CR1L: variants seen among roughly 807,000 people sequenced by gnomAD.
CR1L encodes complement C3b/C4b receptor 1 like, also known as complement component receptor 1-like protein.
CR1L carries 59 observed loss-of-function variants against 62.3 expected under a neutral mutation model. The observed-to-expected ratio is 0.95, with a 90% CI of 0.77 to 1.18. CR1L has a LOEUF of 1.18. CR1L is among the 50% of genes most tolerant of loss of function. CR1L has a pLI of 0.00. For synonymous variants in CR1L, 279 were observed against 248.7 expected, an observed-to-expected ratio of 1.12 and a Z score of -1.15; for missense variants, 700 against 702.8, an observed-to-expected ratio of 1.00 and a Z score of 0.04.
At position 207,708,256 on chromosome 1, in the gene CR1L, T is replaced by C; in HGVS notation, c.1407T>C (p.Ile469=). Residue 469 remains isoleucine (I), a synonymous_variant, in exon 10 of 12, where the codon ATT becomes ATC. Transcript: ENST00000508064. ...CCCATTGGAGCATGAAGCCACCAAT[T>C]TGTCAACGTGAGTTGAAATCTCTTT... ...NTAHWSMKPP[I]CQQIFCPNPP... is the part of the protein sequence containing the mutation. 1 of 1,611,302 alleles carries C rather than the reference T, an allele frequency of 6.2e-7. No individual in the cohort carries two copies. The highest frequency in any genetic ancestry group is 2.2e-5 in the East Asian group (1 of 44,848).
At chr1:207,692,416 A>G (rs1229869464) in intron 4 of CR1L, among the ~76,000 whole-genome samples, 7 of 151,978 alleles carry the variant, frequency 4.6e-5, no homozygotes, top group Admixed American at 2.0e-4. Flanking sequence ...CCTCCTCCCA[A>G]TTTTGCAACG....
rs542480175 is a variant in CR1L, at chr1:207,694,475, G to T, written c.586G>T (p.Val196Leu). The part of the protein sequence containing the change: ...HCNLGSRGKK[V>L]FELVGEPSIY... Reference sequence around the variant, plus strand: ...CAATCTTGGAAGCAGAGGGAAAAAGGTGTTTGAGCTTGTGGGTGAGCCCTC... The same window carrying T: ...CAATCTTGGAAGCAGAGGGAAAAAGTTGTTTGAGCTTGTGGGTGAGCCCTC... Residue 196 changes from valine to leucine, a missense_variant, in exon 5 of 12, where the codon GTG (valine) becomes TTG (leucine). Val to Leu is a conservative substitution (Grantham distance 32). Transcript: ENST00000508064. The T allele has an allele frequency of 4.8e-5, 77 of 1,613,902 alleles. 1 individual carries two copies. The South Asian group carries it at 7.9e-4, about 17-fold the overall frequency.
At chr1:207,723,167 C>A (rs1461648977) in intron 11 of CR1L, among the ~76,000 whole-genome samples, 2 of 152,162 alleles carry the variant, frequency 1.3e-5, no homozygotes, top group Admixed American at 1.3e-4. Flanking sequence ...GGCAGTGGCT[C>A]GCGCCTGTAT....
At chr1:207,669,750 C>T (rs983784957) in intron 1 of CR1L, among the ~76,000 whole-genome samples, 3 of 151,326 alleles carry the variant, frequency 2.0e-5, no homozygotes, top group African/African-American at 7.4e-5. Context: ...GCACTGGAGA[C>T]CCTCGCTGCC....
chr1:207,658,128 C>T (rs182756283), intron 1 of CR1L, among the ~76,000 whole-genome samples: 1 of 152,084 alleles, frequency 6.6e-6, no homozygotes, highest in East Asian at 1.9e-4. Flanking sequence ...ACAGCTAAAG[C>T]ATTGCTTACA....
Position 207,701,562 on chromosome 1 carries a change from G to A in CR1L, c.1272G>A (p.Val424=), listed in dbSNP as rs756101957. The A allele has an allele frequency of 4.3e-6, 7 of 1,613,784 alleles. No homozygotes were observed. The Admixed American group carries it at 1.2e-4, about 27-fold the overall frequency. The part of the protein sequence containing the change: ...ETPPVPVNGM[V]HVITDIHVGS... ...CTCCAGTTCCAGTGAATGGCATGGT[G>A]CATGTGATCACAGACATCCATGTTG... The change falls in exon 9 of 12, where the codon GTG becomes GTA. Residue 424 remains valine (V), a synonymous_variant. Coordinates refer to ENST00000508064, the MANE Select transcript of CR1L (RefSeq NM_175710.2).
intron 11 of CR1L, among the ~76,000 whole-genome samples, chr1:207,723,313 C>T (rs1311439895): frequency 2.0e-5 from 3 of 151,782 alleles, no homozygotes. Context: ...GCCTGTTTTC[C>T]CAGCTACACA....
intron 10 of CR1L, among the ~76,000 whole-genome samples, chr1:207,710,204 T>C: frequency 6.6e-6 from 1 of 151,874 alleles, no homozygotes; most frequent in Non-Finnish European, 1.5e-5. Flanking sequence ...ATAAACCAGA[T>C]ACGGTGGTGC....
chr1:207,665,789 C>T (rs998686630), intron 1 of CR1L, among the ~76,000 whole-genome samples: 3 of 152,124 alleles, frequency 2.0e-5, no homozygotes, highest in Non-Finnish European at 2.9e-5. Flanking sequence ...TAATGGAAAC[C>T]AATGAAAAAT....
At chr1:207,688,153 T>C (rs1331148888) in intron 4 of CR1L, among the ~76,000 whole-genome samples, 1 of 152,178 alleles carries the variant, frequency 6.6e-6, no homozygotes, top group African/African-American at 2.4e-5. Context: ...CACATGCCTG[T>C]AAGTCCCAGC....
chr1:207,711,785 A>C (rs1418868710), intron 10 of CR1L, among the ~76,000 whole-genome samples: 1 of 152,050 alleles, frequency 6.6e-6, no homozygotes, highest in Non-Finnish European at 1.5e-5. Flanking sequence ...CTCGCACCTG[A>C]AATCTCATGA....
intron 1 of CR1L, among the ~76,000 whole-genome samples, chr1:207,668,528 T>C (rs1474955229): frequency 6.6e-6 from 1 of 150,840 alleles, no homozygotes; most frequent in East Asian, 1.9e-4. Flanking sequence ...GGAGAGACAA[T>C]GGGAGATGGA....
intron 2 of CR1L, among the ~76,000 whole-genome samples, chr1:207,677,939 T>C (rs1346809090): frequency 6.6e-6 from 1 of 152,212 alleles, no homozygotes; most frequent in African/African-American, 2.4e-5. Context: ...ATCAGTTGAA[T>C]TGAATTACAG....
intron 1 of CR1L, chr1:207,658,502 C>G (rs1490907433): frequency 6.6e-6 from 1 of 152,246 alleles, no homozygotes; most frequent in African/African-American, 2.4e-5. Flanking sequence ...CAGGGGCAGT[C>G]ACTCCTGGAC....
chr1:207,723,590 G>A (rs1273046824), intron 11 of CR1L, 28 bp from the exon 12 acceptor site: 2 of 1,556,722 alleles, frequency 1.3e-6, no homozygotes, highest in Admixed American at 1.8e-5. Flanking sequence ...CCAGAGTGAT[G>A]TTTTTGTGAC....
intron 4 of CR1L, among the ~76,000 whole-genome samples, chr1:207,690,874 C>T (rs1663985961): frequency 6.6e-6 from 1 of 152,202 alleles, no homozygotes; most frequent in Admixed American, 6.5e-5. Context: ...GTCCTTTGCT[C>T]TTCTGGCTCC....
At chr1:207,719,899 T>G (rs1195586112) in intron 11 of CR1L, among the ~76,000 whole-genome samples, 1 of 152,230 alleles carries the variant, frequency 6.6e-6, no homozygotes, top group Admixed American at 6.5e-5. Context: ...CCAAGCAATC[T>G]ACTTATCTGT....
intron 1 of CR1L, chr1:207,669,521 C>A: frequency 6.3e-7 from 1 of 1,580,000 alleles, no homozygotes; most frequent in South Asian, 1.1e-5. Context: ...TGCGGAGGAT[C>A]CCTGCTGGCG....
chr1:207,671,593 T>C (rs1304448428), intron 1 of CR1L, among the ~76,000 whole-genome samples: 1 of 150,796 alleles, frequency 6.6e-6, no homozygotes, highest in Non-Finnish European at 1.5e-5. Flanking sequence ...GATATGCCAG[T>C]AAGGAAGAGT....
Sources: allele counts gnomAD v4.1 joint callset (sites outside exome capture counted in the v4.1 genomes callset), GRCh38; gene constraint gnomAD v4.1.1; transcripts MANE v1.5; gene names NCBI Gene and HGNC (gene_info 2026-07-23, HGNC 2026-07-21).